Variants in TENM4 observed in about 807,000 individuals in gnomAD.
TENM4 encodes the protein teneurin-4.
Under a neutral mutation model 243.3 loss-of-function variants are expected in TENM4, and 82 were observed. The ratio of observed to expected loss-of-function variants is 0.34; its 90% CI spans 0.28 to 0.40. The LOEUF (loss-of-function observed/expected upper bound fraction) is 0.40, where lower values mean the gene tolerates loss of function less well. Among genes scored for constraint, TENM4 ranks in the 10% least tolerant of loss-of-function variants. The pLI is 1.00. For synonymous variants in TENM4, 1,412 were observed against 1,456.3 expected, an observed-to-expected ratio of 0.97 and a Z score of 0.69; for missense variants, 3,138 against 3,673.3, an observed-to-expected ratio of 0.85 and a Z score of 3.77.
chr11:79,408,318 C>G (rs1858616477), intron 1 of TENM4, among the ~76,000 whole-genome samples: 1 of 152,204 alleles, frequency 6.6e-6, no homozygotes, highest in African/African-American at 2.4e-5. Context: ...TAACAAGCTC[C>G]CAGGTGAAGC....
At chr11:78,844,996 G>A (rs190296805) in intron 12 of TENM4, among the ~76,000 whole-genome samples, 6 of 152,198 alleles carry the variant, frequency 3.9e-5, no homozygotes, top group Non-Finnish European at 7.4e-5. Flanking sequence ...TTTGTACACT[G>A]CTTTCCAGCT....
intron 9 of TENM4, among the ~76,000 whole-genome samples, chr11:78,883,616 T>C (rs1855485290): frequency 6.6e-6 from 1 of 152,254 alleles, no homozygotes; most frequent in South Asian, 2.1e-4. Flanking sequence ...TCCAAAGGCC[T>C]ACCTGGCAAG....
intron 2 of TENM4, among the ~76,000 whole-genome samples, chr11:79,264,639 A>G (rs1855853299): frequency 6.6e-6 from 1 of 152,176 alleles, no homozygotes; most frequent in South Asian, 2.1e-4. Context: ...CCCCAGCCCA[A>G]ACAAACAAAA....
rs190831002 is a variant in TENM4 at position 78,768,991 on chromosome 11, G to A, written c.2539+2001C>T. 7.9e-4 allele frequency among the ~76,000 whole-genome samples: 121 copies of A among 152,296 alleles called. 5 individuals are homozygous for A. The highest frequency in any genetic ancestry group is 3.3e-3 in the East Asian group (17 of 5,192). Reference sequence around the variant, plus strand: ...TATAACCTACGCTTGTATGTATACCGGTAGGGAGAGAGGTACGCCCTTTCC... The same window carrying A: ...TATAACCTACGCTTGTATGTATACCAGTAGGGAGAGAGGTACGCCCTTTCC... On this transcript the variant is annotated intron_variant, in intron 18 of 33. Transcript: ENST00000278550.
chr11:79,252,488 C>T (rs1324665834), intron 2 of TENM4, among the ~76,000 whole-genome samples: 16 of 152,182 alleles, frequency 1.1e-4, no homozygotes, highest in African/African-American at 2.2e-4. Context: ...CCGCCCGCCT[C>T]GGCCTCCCAA....
Position 79,212,839 on chromosome 11 carries a change from T to G in TENM4, c.-163+2969A>C, listed in dbSNP as rs187151909. Among the ~76,000 whole-genome samples, 146 of 152,278 alleles carry G rather than the reference T, an allele frequency of 9.6e-4. 1 individual carries two copies. Among genetic ancestry groups the G allele is most frequent in the Admixed American group, 3.3e-3 (50 of 15,296 alleles). Reference sequence around the variant, plus strand: ...CTCCTCCCCCTGATCTCCCAGCCGTTAAGCAGGAGGAGGCTAAGTTGGCAA... The same window carrying G: ...CTCCTCCCCCTGATCTCCCAGCCGTGAAGCAGGAGGAGGCTAAGTTGGCAA... On this transcript the variant is annotated intron_variant, in intron 3 of 33. Coordinates refer to ENST00000278550, the MANE Select transcript of TENM4 (RefSeq NM_001098816.3).
chr11:79,198,363 A>G (rs926260433), intron 3 of TENM4, among the ~76,000 whole-genome samples: 10 of 152,188 alleles, frequency 6.6e-5, no homozygotes, highest in Non-Finnish European at 1.5e-4. Flanking sequence ...CACCACCCAC[A>G]GAAGTTCAGA....
rs144224164 is a variant in TENM4, at chr11:79,421,716, A to C, written c.-321+18793T>G. ...CCTGGCTCTGAAATTAAAAAAAAAAAAAAACAGTTATCAGCAAGACAGTGC... is the reference window on the plus strand; with the variant it reads ...CCTGGCTCTGAAATTAAAAAAAAAACAAAACAGTTATCAGCAAGACAGTGC... On this transcript the variant is annotated intron_variant, in intron 1 of 33. Transcript: ENST00000278550. 4.4e-3 allele frequency among the ~76,000 whole-genome samples: 674 copies of C among 152,296 alleles called. 5 individuals are homozygous for C. The highest frequency in any genetic ancestry group is 0.015 in the African/African-American group (634 of 41,568).
chr11:79,334,303 G>T (rs1266875410), intron 1 of TENM4, among the ~76,000 whole-genome samples: 1 of 152,216 alleles, frequency 6.6e-6, no homozygotes, highest in Admixed American at 6.5e-5. Flanking sequence ...GTCTCTGAAT[G>T]TGATCACCCT....
intron 1 of TENM4, among the ~76,000 whole-genome samples, chr11:79,321,954 C>T (rs1856897775): frequency 6.6e-6 from 1 of 152,164 alleles, no homozygotes; most frequent in Admixed American, 6.6e-5. Context: ...TGTACCATGT[C>T]TGGGCCAAAA....
chr11:78,788,928 A>T (rs1249804782), intron 15 of TENM4, among the ~76,000 whole-genome samples: 1 of 152,104 alleles, frequency 6.6e-6, no homozygotes, highest in Non-Finnish European at 1.5e-5. Flanking sequence ...TACCCCCAAG[A>T]CCTGGCTGAA....
Position 78,863,130 on chromosome 11 carries a change from T to G in TENM4, c.1087A>C (p.Met363Leu). 6.7e-7 allele frequency: 1 copy of G among 1,496,362 alleles called. No individual in the cohort carries two copies. The highest frequency in any genetic ancestry group is 2.5e-5 in the East Asian group (1 of 39,594). The allele number at this position is 1,496,362 out of a possible 1,614,324, so 92.7% of individuals were successfully genotyped here. A position where few individuals can be genotyped will look rare whatever the true frequency, so the allele number is the denominator to read the frequency against. ...LVILLAYFVAMHLFGLNWHLQ... is the reference protein window; with the variant it reads ...LVILLAYFVALHLFGLNWHLQ... ...TGCCAGTTTAGGCCAAACAGGTGCA[T>G]GGCTGTGGTGAGCAATGAGAAAAGT... The change falls in exon 10 of 34, where the codon ATG (methionine) becomes CTG (leucine). Residue 363 changes from methionine (M) to leucine (L), a missense_variant and splice_region_variant. Met to Leu is a conservative substitution (Grantham distance 15, BLOSUM62 2). Around this residue, in one of 2 missense-constraint regions of TENM4, gnomAD observed 671 missense variants for 614.1 expected, o/e 1.09. Coordinates refer to ENST00000278550, the MANE Select transcript of TENM4 (RefSeq NM_001098816.3).
In TENM4 at chr11:78,661,584, G is replaced by A; in HGVS notation, c.7416C>T (p.Asn2472=). The change falls in exon 33 of 34, where the codon AAC becomes AAT. Residue 2472 remains asparagine (N), a synonymous_variant. Transcript: ENST00000278550. ...QDIKCFMTDV[N]SWLLTFGFQL... ...GGAATCCAAAGGTGAGCAGCCAGCT[G>A]TTAACATCTGGATGGGAGGGAAGCA... 6.2e-7 allele frequency: 1 copy of A among 1,613,186 alleles called. No individual in the cohort carries two copies.
chr11:78,857,272 A>C (rs913721779), intron 10 of TENM4, among the ~76,000 whole-genome samples: 1 of 152,092 alleles, frequency 6.6e-6, no homozygotes, highest in Admixed American at 6.5e-5. Context: ...TTTTTTTGTG[A>C]TGTTAGAGAT....
At position 78,658,754 on chromosome 11, in the gene TENM4, C is replaced by G. The variant is rs563795299; in HGVS notation, c.7614G>C (p.Arg2538=). ...KQLKAFVTLE[R]FDQLYGSTIT... The stretch of plus-strand genomic sequence containing the variant: ...TTGTGGAGCCATAGAGCTGGTCAAA[C>G]CGTTCTAAGGTGACAAAGGCCTTGA... The change falls in exon 34 of 34, where the codon CGG becomes CGC. Residue 2538 remains arginine, a synonymous_variant. Coordinates refer to ENST00000278550, the MANE Select transcript of TENM4 (RefSeq NM_001098816.3). 6.8e-6 allele frequency: 11 copies of G among 1,613,928 alleles called. No individual in the cohort carries two copies. The African/African-American group carries it at 1.3e-4, about 20-fold the overall frequency.
At position 78,889,771 on chromosome 11, in the gene TENM4, G is replaced by A; in HGVS notation, c.1084+14C>T. ...AAAGAGGAGCAAGGGGAGCTGGGGT[G>A]AAGAGGTGCTTACCCACAAAGTATG... On this transcript the variant is annotated intron_variant, in intron 9 of 33. Coordinates refer to ENST00000278550, the MANE Select transcript of TENM4 (RefSeq NM_001098816.3). 1 of 1,551,390 alleles carries A rather than the reference G, an allele frequency of 6.4e-7. No individual in the cohort carries two copies. Among genetic ancestry groups the A allele is most frequent in the South Asian group, 1.2e-5 (1 of 84,038 alleles).
At chr11:79,306,044 C>G (rs1856620994) in intron 1 of TENM4, among the ~76,000 whole-genome samples, 1 of 152,226 alleles carries the variant, frequency 6.6e-6, no homozygotes, top group Non-Finnish European at 1.5e-5. Flanking sequence ...TTCAGGCCCT[C>G]TGATCCCTGC....
In TENM4 at chr11:79,041,508, AT is replaced by A. The variant is rs67582255; in HGVS notation, c.493+23229del. The stretch of plus-strand genomic sequence containing the variant: ...TTGGAGGCACTCAAAAAAAAAAAAA[AT>A]CGAAGAAACAATTTACTTTTCTTTC... On this transcript the variant is annotated intron_variant, in intron 6 of 33. Coordinates refer to ENST00000278550, the MANE Select transcript of TENM4 (RefSeq NM_001098816.3). 6.2e-5 allele frequency among the ~76,000 whole-genome samples: 9 copies of A among 146,250 alleles called. 2 individuals are homozygous for A. The highest frequency in any genetic ancestry group is 8.9e-5 in the Non-Finnish European group (6 of 67,436).
chr11:79,293,512 A>G (rs1301112160), intron 2 of TENM4, among the ~76,000 whole-genome samples: 1 of 92,204 alleles, frequency 1.1e-5, no homozygotes. Flanking sequence ...GTCCCTTAAA[A>G]AAAAAAAAGA....
Sources: gnomAD v4.1 joint callset for allele counts (sites outside exome capture counted in the v4.1 genomes callset) on GRCh38, gnomAD v4.1.1 for gene constraint, gnomAD v4.1.1 regional missense constraint, MANE v1.5 for transcripts, NCBI Gene and HGNC (gene_info 2026-07-23, HGNC 2026-07-21) for gene names.